The following LRMDA variants were observed in gnomAD, a reference collection of about 807,000 sequenced individuals.
The protein encoded by LRMDA is leucine-rich melanocyte differentiation-associated protein.
LRMDA carries 18 observed loss-of-function variants against 29.8 expected under a neutral mutation model. That is an observed-to-expected ratio of 0.60 (90% CI 0.42 to 0.90). LRMDA has a LOEUF of 0.90. Among genes scored for constraint, LRMDA ranks in the 40% least tolerant of loss-of-function variants. The pLI, the probability that LRMDA is intolerant of heterozygous loss-of-function variation, is 0.00. For missense variants in LRMDA, 273 were observed against 273.9 expected, an observed-to-expected ratio of 1.00 and a Z score of 0.02; for synonymous variants, 125 against 109.4, an observed-to-expected ratio of 1.14 and a Z score of -0.89.
chr10:75,507,461 G>A (rs1845182381), intron 2 of LRMDA, among the ~76,000 whole-genome samples: 1 of 152,160 alleles, frequency 6.6e-6, no homozygotes, highest in Non-Finnish European at 1.5e-5. Flanking sequence ...TAGAGAAAGG[G>A]CCTCTGATAT....
At chr10:75,925,253 A>G (rs1846100696) in intron 2 of LRMDA, among the ~76,000 whole-genome samples, 1 of 152,046 alleles carries the variant, frequency 6.6e-6, no homozygotes, top group African/African-American at 2.4e-5. Context: ...ATAATTTATT[A>G]TTCCTTCTTC....
intron 2 of LRMDA, among the ~76,000 whole-genome samples, chr10:75,699,200 CA>C (rs140938454): frequency 0.032 from 3,444 of 107,378 alleles, 121 homozygotes; most frequent in African/African-American, 0.092. Context: ...GACTTGGTCT[CA>C]AAAAAAAAAA....
intron 6 of LRMDA, among the ~76,000 whole-genome samples, chr10:76,457,350 A>C (rs763965765): frequency 6.6e-6 from 1 of 152,200 alleles, no homozygotes; most frequent in Non-Finnish European, 1.5e-5. Context: ...TTTCTCAGTC[A>C]TTCATAGTCA....
At chr10:76,490,642 C>A (rs535705697) in intron 6 of LRMDA, among the ~76,000 whole-genome samples, 66 of 151,934 alleles carry the variant, frequency 4.3e-4, no homozygotes, top group African/African-American at 1.5e-3. Flanking sequence ...TATCTTTTTC[C>A]ATCCCTTAAT....
intron 6 of LRMDA, among the ~76,000 whole-genome samples, chr10:76,365,460 A>G (rs1451410286): frequency 6.6e-6 from 1 of 152,072 alleles, no homozygotes; most frequent in African/African-American, 2.4e-5. Context: ...GTAAGGTGGT[A>G]TTGCATTGTG....
chr10:75,944,205 GT>G (rs1364782316), intron 2 of LRMDA, among the ~76,000 whole-genome samples: 3 of 152,042 alleles, frequency 2.0e-5, no homozygotes, highest in Admixed American at 1.3e-4. Flanking sequence ...GATTTTTGTT[GT>G]TTTAGCAGTT....
intron 2 of LRMDA, among the ~76,000 whole-genome samples, chr10:75,611,090 G>A (rs967026971): frequency 6.6e-6 from 1 of 152,098 alleles, no homozygotes; most frequent in Non-Finnish European, 1.5e-5. Context: ...ACTCAGACAG[G>A]GGGAGCACAG....
At chr10:76,003,283 C>T (rs1047348945) in intron 2 of LRMDA, among the ~76,000 whole-genome samples, 3 of 152,134 alleles carry the variant, frequency 2.0e-5, no homozygotes, top group South Asian at 4.1e-4. Context: ...CAAATCCTTC[C>T]ACTTGAGTCA....
chr10:75,927,583 TTCGAGGAAGGACCTCCTGAA>T (rs1249844467), intron 2 of LRMDA, among the ~76,000 whole-genome samples: 5 of 152,306 alleles, frequency 3.3e-5, no homozygotes, highest in African/African-American at 1.2e-4. Flanking sequence ...AATTTAGGTG[TTCGAGGAAGGACCTCCTGAA>T]TTGAGGTAAG....
intron 2 of LRMDA, among the ~76,000 whole-genome samples, chr10:75,921,943 A>G (rs557748755): frequency 2.4e-4 from 37 of 152,144 alleles, no homozygotes; most frequent in African/African-American, 8.9e-4. Flanking sequence ...TTAACAGTAA[A>G]CTCTTGCATC....
intron 6 of LRMDA, among the ~76,000 whole-genome samples, chr10:76,330,985 A>G (rs1306936929): frequency 6.6e-6 from 1 of 152,180 alleles, no homozygotes; most frequent in Non-Finnish European, 1.5e-5. Flanking sequence ...ATTTATAAAC[A>G]TGAGGCCAGG....
chr10:75,759,323 T>A (rs933436448), intron 2 of LRMDA, among the ~76,000 whole-genome samples: 1 of 152,212 alleles, frequency 6.6e-6, no homozygotes, highest in Non-Finnish European at 1.5e-5. Context: ...TAAATTCACT[T>A]TGGGGCTCCG....
intron 5 of LRMDA, among the ~76,000 whole-genome samples, chr10:76,221,857 G>A (rs549938400): frequency 5.1e-4 from 77 of 152,102 alleles, no homozygotes; most frequent in Admixed American, 1.3e-3. Flanking sequence ...CACACTACCT[G>A]ACTTCAAACT....
chr10:75,582,588 T>TG (rs1840608387), intron 2 of LRMDA, among the ~76,000 whole-genome samples: 1 of 152,210 alleles, frequency 6.6e-6, no homozygotes, highest in South Asian at 2.1e-4. Context: ...AGGACTGTGA[T>TG]GGAAGGGGCT....
intron 5 of LRMDA, among the ~76,000 whole-genome samples, chr10:76,118,973 C>T (rs1023294282): frequency 6.6e-6 from 1 of 151,096 alleles, no homozygotes; most frequent in Admixed American, 6.7e-5. Flanking sequence ...GGGCGCAGGC[C>T]AATCTGCCCA....
chr10:76,363,667 C>T (rs917488945), intron 6 of LRMDA, among the ~76,000 whole-genome samples: 1 of 152,056 alleles, frequency 6.6e-6, no homozygotes, highest in Non-Finnish European at 1.5e-5. Flanking sequence ...TCCCCTCCCC[C>T]ACCTCCTTTC....
chr10:76,217,740 T>A (rs1851754858), intron 5 of LRMDA, among the ~76,000 whole-genome samples: 2 of 152,242 alleles, frequency 1.3e-5, no homozygotes, highest in Non-Finnish European at 1.5e-5. Context: ...TTCTCCCTCA[T>A]GTGCTGTGTG....
chr10:76,100,368 GCCCCCAT>G (rs1020559609), intron 5 of LRMDA, among the ~76,000 whole-genome samples: 1 of 152,146 alleles, frequency 6.6e-6, no homozygotes, highest in African/African-American at 2.4e-5. Context: ...CTGCTAACAG[GCCCCCAT>G]CTCACAGATT....
Position 76,306,734 on chromosome 10 carries a change from T to A in LRMDA, c.517-17667T>A, listed in dbSNP as rs1247728839. On this transcript the variant is annotated intron_variant, in intron 5 of 6. Transcript: ENST00000611255. Reference sequence around the variant, plus strand: ...TTCCCATACCTTTGAGGTTTGCATATGTCAAAATTAAAACTTTTTAGACTG... The same window carrying A: ...TTCCCATACCTTTGAGGTTTGCATAAGTCAAAATTAAAACTTTTTAGACTG... Among the ~76,000 whole-genome samples the A allele has an allele frequency of 7.9e-5, 12 of 152,244 alleles. No homozygotes were observed. In the East Asian group the frequency reaches 2.3e-3, roughly 29 times the overall value.
Sources: allele counts gnomAD v4.1 joint callset (sites outside exome capture counted in the v4.1 genomes callset), GRCh38; gene constraint gnomAD v4.1.1; transcripts MANE v1.5; gene names NCBI Gene and HGNC (gene_info 2026-07-23, HGNC 2026-07-21).